Variants in GRIK1 observed in about 807,000 individuals in gnomAD.
GRIK1 encodes glutamate ionotropic receptor kainate type subunit 1.
In GRIK1, 69 loss-of-function variants were observed where a neutral mutation model predicts 105.7. The ratio of observed to expected loss-of-function variants is 0.65; its 90% CI spans 0.54 to 0.80. The LOEUF (loss-of-function observed/expected upper bound fraction) is 0.80, where lower values mean the gene tolerates loss of function less well. Among genes scored for constraint, GRIK1 ranks in the 30% least tolerant of loss-of-function variants. The probability of loss-of-function intolerance (pLI) is 0.00; values close to 1 mark genes in which losing one functional copy is unlikely to be tolerated. For missense variants in GRIK1, 1,109 were observed against 1,167.3 expected (o/e 0.95, Z 0.73); for synonymous variants, 438 against 431.3 (o/e 1.02, Z -0.19).
Position 29,694,010 on chromosome 21 carries a change from A to C in GRIK1, c.172T>G (p.Phe58Val). ...TTAATGCTGGTGACTGCAAACTTGAAAGCTAATTCTTCAACATTAACAGGC... is the reference window on the plus strand; with the variant it reads ...TTAATGCTGGTGACTGCAAACTTGACAGCTAATTCTTCAACATTAACAGGC... The part of the protein sequence containing the change: ...NEPVNVEELA[F>V]KFAVTSINRN... Residue 58 changes from phenylalanine (F) to valine (V), a missense_variant, in exon 2 of 18, where the codon TTC (phenylalanine) becomes GTC (valine). Physicochemically the swap from Phe to Val is conservative, Grantham distance 50. This residue lies in a region of GRIK1 where 612 missense variants were observed against 586.0 expected (regional missense o/e 1.04). Coordinates refer to ENST00000327783, the MANE Select transcript of GRIK1 (RefSeq NM_001330994.2). 6.2e-7 allele frequency: 1 copy of C among 1,612,986 alleles called. No individual in the cohort carries two copies.
chr21:29,634,923 A>T (rs2062364802), intron 7 of GRIK1, among the ~76,000 whole-genome samples: 1 of 152,172 alleles, frequency 6.6e-6, no homozygotes, highest in East Asian at 1.9e-4. Flanking sequence ...TAAAGGGTAG[A>T]ATACCTACTG....
chr21:29,593,916 G>T (rs887736523), intron 9 of GRIK1, among the ~76,000 whole-genome samples: 5 of 152,206 alleles, frequency 3.3e-5, no homozygotes, highest in Non-Finnish European at 7.3e-5. Flanking sequence ...AAGTGCAGAA[G>T]CTAAGAGATC....
chr21:29,688,684 T>C, intron 3 of GRIK1, among the ~76,000 whole-genome samples: 1 of 152,158 alleles, frequency 6.6e-6, no homozygotes, highest in East Asian at 1.9e-4. Flanking sequence ...AACAGATATT[T>C]GAAATATAAC....
chr21:29,587,234 C>A (rs139715391), intron 12 of GRIK1, 132 bp downstream of exon 12: 2 of 515,990 alleles, frequency 3.9e-6, no homozygotes, highest in African/African-American at 1.9e-5. Context: ...TATATGGAAA[C>A]CTTCCAAGAA....
chr21:29,922,877 G>A (rs1032413728), intron 1 of GRIK1, among the ~76,000 whole-genome samples: 5 of 152,092 alleles, frequency 3.3e-5, no homozygotes, highest in African/African-American at 1.2e-4. Context: ...ATTTCCTCAG[G>A]AAGAATCTCA....
chr21:29,776,120 T>G (rs1027302341), intron 1 of GRIK1, among the ~76,000 whole-genome samples: 1 of 152,204 alleles, frequency 6.6e-6, no homozygotes, highest in Non-Finnish European at 1.5e-5. Flanking sequence ...CTCACTGTCA[T>G]GAATATAGCA....
intron 1 of GRIK1, among the ~76,000 whole-genome samples, chr21:29,750,232 C>CCCTT (rs1471461645): frequency 1.0e-5 from 1 of 95,868 alleles, no homozygotes; most frequent in Non-Finnish European, 2.4e-5. Context: ...TCCCTTCCTT[C>CCCTT]CCTTCCTCCC....
chr21:29,889,413 T>A (rs1351206361), intron 1 of GRIK1, among the ~76,000 whole-genome samples: 1 of 152,108 alleles, frequency 6.6e-6, no homozygotes, highest in Non-Finnish European at 1.5e-5. Context: ...GTTCACTCCA[T>A]CCAGGATAAA....
At chr21:29,793,840 A>G (rs2066488530) in intron 1 of GRIK1, among the ~76,000 whole-genome samples, 1 of 152,188 alleles carries the variant, frequency 6.6e-6, no homozygotes, top group African/African-American at 2.4e-5. Context: ...TTCACATGTA[A>G]TTGTTTGTCT....
chr21:29,780,847 GT>G (rs898862671), intron 1 of GRIK1, among the ~76,000 whole-genome samples: 1 of 152,132 alleles, frequency 6.6e-6, no homozygotes, highest in Non-Finnish European at 1.5e-5. Flanking sequence ...TGAAGGGTGA[GT>G]AAAAATGATT....
chr21:29,674,268 T>G (rs1272162192), intron 3 of GRIK1, among the ~76,000 whole-genome samples: 1 of 151,416 alleles, frequency 6.6e-6, no homozygotes, highest in Non-Finnish European at 1.5e-5. Context: ...GCTATTTTTT[T>G]TTTTACCAGA....
intron 1 of GRIK1, among the ~76,000 whole-genome samples, chr21:29,938,521 T>A (rs1166128279): frequency 6.6e-6 from 1 of 152,232 alleles, no homozygotes; most frequent in Non-Finnish European, 1.5e-5. Context: ...TGGTGGGTGC[T>A]ATACACTTAT....
At chr21:29,803,311 A>G (rs1434489239) in intron 1 of GRIK1, among the ~76,000 whole-genome samples, 1 of 152,164 alleles carries the variant, frequency 6.6e-6, no homozygotes, top group Non-Finnish European at 1.5e-5. Context: ...TGCAGGGTTA[A>G]TTTATTCATC....
At chr21:29,741,248 C>T (rs1300566177) in intron 1 of GRIK1, among the ~76,000 whole-genome samples, 5 of 152,202 alleles carry the variant, frequency 3.3e-5, no homozygotes, top group Non-Finnish European at 7.3e-5. Flanking sequence ...TCTCTCATGC[C>T]ATGACTTGAA....
chr21:29,923,125 T>C (rs1158207408), intron 1 of GRIK1, among the ~76,000 whole-genome samples: 1 of 152,198 alleles, frequency 6.6e-6, no homozygotes, highest in Non-Finnish European at 1.5e-5. Context: ...GTATGAATTA[T>C]GCTGTAGATA....
intron 4 of GRIK1, among the ~76,000 whole-genome samples, chr21:29,667,058 T>C (rs2268206): frequency 2.6e-5 from 4 of 152,264 alleles, no homozygotes; most frequent in Admixed American, 1.3e-4. Flanking sequence ...ACGTGTTCAG[T>C]ATAAAATGGC....
In GRIK1 at chr21:29,581,449, C is replaced by G. The variant is rs1377337695; in HGVS notation, c.1888G>C (p.Gly630Arg). ...NFTLLNSFWF[G>R]VGALMQQGSE... Reference sequence around the variant, plus strand: ...CCTTGCTGCATGAGAGCTCCAACTCCAAACCAGAAACTATTTAGTAAAGTA... The same window carrying G: ...CCTTGCTGCATGAGAGCTCCAACTCGAAACCAGAAACTATTTAGTAAAGTA... Residue 630 changes from glycine to arginine, a missense_variant, in exon 13 of 18, where the codon GGA (glycine) becomes CGA (arginine). Gly to Arg is a moderately radical substitution (Grantham distance 125). This residue lies in a region of GRIK1 where 264 missense variants were observed against 306.9 expected (regional missense o/e 0.86). Coordinates refer to ENST00000327783, the MANE Select transcript of GRIK1 (RefSeq NM_001330994.2). 6.2e-7 allele frequency: 1 copy of G among 1,611,866 alleles called. No individual in the cohort carries two copies. The highest frequency in any genetic ancestry group is 8.5e-7 in the Non-Finnish European group (1 of 1,178,228).
chr21:29,829,797 G>C (rs1226087874), intron 1 of GRIK1, among the ~76,000 whole-genome samples: 1 of 152,082 alleles, frequency 6.6e-6, no homozygotes, highest in Non-Finnish European at 1.5e-5. Flanking sequence ...TGCACAGATA[G>C]GATTGATTCA....
chr21:29,594,244 A>G (rs1479709112), intron 9 of GRIK1, among the ~76,000 whole-genome samples: 1 of 152,098 alleles, frequency 6.6e-6, no homozygotes, highest in East Asian at 1.9e-4. Context: ...TTTTAAACCC[A>G]AGTAGTCATG....
Sources: allele counts gnomAD v4.1 joint callset (sites outside exome capture counted in the v4.1 genomes callset), GRCh38; gene constraint gnomAD v4.1.1; regional missense constraint gnomAD v4.1.1; transcripts MANE v1.5; gene names NCBI Gene and HGNC (gene_info 2026-07-23, HGNC 2026-07-21).